Variants in BTBD1 observed in about 807,000 individuals in gnomAD.
BTBD1 encodes BTB/POZ domain-containing protein 1.
BTBD1 carries 34 observed loss-of-function variants against 48.0 expected under a neutral mutation model. The observed-to-expected ratio is 0.71, with a 90% CI of 0.54 to 0.94. BTBD1 has a LOEUF of 0.94. Ranked by LOEUF, BTBD1 falls within the 40% of genes least tolerant of loss-of-function variation. The probability of loss-of-function intolerance (pLI) is 0.00; values close to 1 mark genes in which losing one functional copy is unlikely to be tolerated. For missense variants in BTBD1, 543 were observed against 625.6 expected (o/e 0.87, Z 1.41); for synonymous variants, 261 against 242.1 (o/e 1.08, Z -0.72).
intron 2 of BTBD1, among the ~76,000 whole-genome samples, chr15:83,053,583 C>T (rs955470357): frequency 6.6e-6 from 1 of 152,046 alleles, no homozygotes; most frequent in Non-Finnish European, 1.5e-5. Context: ...TATATCTCAC[C>T]TTTAAAATAA....
rs1007289370 is a variant in BTBD1 at position 83,066,912 on chromosome 15, G to GGCC, written c.239_240insGGC (p.Ala84dup). 3.9e-6 allele frequency: 6 copies of GGCC among 1,526,288 alleles called. No homozygotes were observed. In the Admixed American group the frequency reaches 9.0e-5, roughly 23 times the overall value. 94.5% of individuals were successfully genotyped at this position (1,526,288 alleles called of 1,614,324 possible). Reference sequence around the variant, plus strand: ...GCTGCGGGCCCCCAGCGGCGGCGGCGCCGCGACCCTTGCCCAGTACGAAGC... The same window carrying GGCC: ...GCTGCGGGCCCCCAGCGGCGGCGGCGGCCCCGCGACCCTTGCCCAGTACGAAGC... On this transcript the variant is annotated inframe_insertion, in exon 1 of 8. Coordinates refer to ENST00000261721, the MANE Select transcript of BTBD1 (RefSeq NM_025238.4).
intron 3 of BTBD1, among the ~76,000 whole-genome samples, chr15:83,043,136 T>C (rs1199696445): frequency 6.6e-6 from 1 of 152,172 alleles, no homozygotes; most frequent in Non-Finnish European, 1.5e-5. Flanking sequence ...AGAGTGAGAC[T>C]GTGCCAAAAA....
At position 83,054,653 on chromosome 15, in the gene BTBD1, C is replaced by T. The variant is rs188361142; in HGVS notation, c.558+1736G>A. Among the ~76,000 whole-genome samples the T allele has an allele frequency of 2.7e-3, 405 of 151,712 alleles. 2 individuals carry two copies. Among genetic ancestry groups the T allele is most frequent in the African/African-American group, 9.4e-3 (388 of 41,326 alleles). On this transcript the variant is annotated intron_variant, in intron 2 of 7. Coordinates refer to ENST00000261721, the MANE Select transcript of BTBD1 (RefSeq NM_025238.4). ...CTATGCTCACTGCAAACTCTGCCTCCCGGGTTCAAGCGATTCTCCTGCCTC... is the reference window on the plus strand; with the variant it reads ...CTATGCTCACTGCAAACTCTGCCTCTCGGGTTCAAGCGATTCTCCTGCCTC...
At chr15:83,042,086 G>A (rs2032772313) in intron 3 of BTBD1, among the ~76,000 whole-genome samples, 161 bp from the exon 4 acceptor site, 1 of 151,718 alleles carries the variant, frequency 6.6e-6, no homozygotes, top group African/African-American at 2.4e-5. Flanking sequence ...AATAATTAAA[G>A]GACTTAAACT....
At chr15:83,025,234 A>T (rs531453944) in intron 5 of BTBD1, among the ~76,000 whole-genome samples, 2 of 151,864 alleles carry the variant, frequency 1.3e-5, no homozygotes, top group Admixed American at 6.6e-5. Flanking sequence ...GACGCCTGTA[A>T]TCCCAGCTAC....
intron 2 of BTBD1, among the ~76,000 whole-genome samples, chr15:83,055,959 G>A (rs2033074390): frequency 6.6e-6 from 1 of 151,820 alleles, no homozygotes; most frequent in Admixed American, 6.6e-5. Context: ...TTTTTTTTGT[G>A]ATGGAGTCTC....
chr15:83,056,383 A>G lies in BTBD1; in HGVS notation c.558+6T>C. On this transcript the variant is annotated splice_donor_region_variant and intron_variant, in intron 2 of 7. Coordinates refer to ENST00000261721, the MANE Select transcript of BTBD1 (RefSeq NM_025238.4). Reference sequence around the variant, plus strand: ...AATGATACATACCTTAGCTACATTTACTTACCTGAGTAAGTAACATAAAGG... The same window carrying G: ...AATGATACATACCTTAGCTACATTTGCTTACCTGAGTAAGTAACATAAAGG... 6.2e-7 allele frequency: 1 copy of G among 1,607,230 alleles called. No individual in the cohort carries two copies. Among genetic ancestry groups the G allele is most frequent in the South Asian group, 1.1e-5 (1 of 90,892 alleles).
chr15:83,048,309 A>G (rs1237425810), intron 3 of BTBD1, among the ~76,000 whole-genome samples: 5 of 152,200 alleles, frequency 3.3e-5, no homozygotes, highest in African/African-American at 9.6e-5. Context: ...GTTCTCCTTT[A>G]GCTGTTCTGT....
intron 4 of BTBD1, among the ~76,000 whole-genome samples, chr15:83,035,945 T>C (rs995357784): frequency 6.6e-6 from 1 of 151,650 alleles, no homozygotes; most frequent in Non-Finnish European, 1.5e-5. Flanking sequence ...TAAAAATACA[T>C]TAAAAATTCA....
At chr15:83,032,220 C>A (rs771411409) in intron 4 of BTBD1, among the ~76,000 whole-genome samples, 44 of 151,954 alleles carry the variant, frequency 2.9e-4, no homozygotes, top group Non-Finnish European at 5.6e-4. Context: ...ACTCGGGAGG[C>A]TGAGGCAGGA....
chr15:83,022,781 G>A (rs936748629), intron 5 of BTBD1, among the ~76,000 whole-genome samples: 5 of 152,088 alleles, frequency 3.3e-5, no homozygotes, highest in African/African-American at 9.7e-5. Flanking sequence ...GGCCAACATG[G>A]TGAAACCCTG....
chr15:83,043,898 A>G (rs2032818776), intron 3 of BTBD1, among the ~76,000 whole-genome samples: 1 of 152,238 alleles, frequency 6.6e-6, no homozygotes, highest in Non-Finnish European at 1.5e-5. Flanking sequence ...GTCCTCACTC[A>G]GAACCCTTTT....
intron 1 of BTBD1, among the ~76,000 whole-genome samples, chr15:83,063,911 T>C (rs2033217475): frequency 6.6e-6 from 1 of 152,216 alleles, no homozygotes; most frequent in Non-Finnish European, 1.5e-5. Context: ...ACATTGTATC[T>C]TTAGTTTCCC....
At position 83,041,894 on chromosome 15, in the gene BTBD1, T is replaced by G; in HGVS notation, c.696A>C (p.Thr232=). The G allele has an allele frequency of 1.9e-6, 3 of 1,614,110 alleles. No individual in the cohort carries two copies. The highest frequency in any genetic ancestry group is 2.5e-6 in the Non-Finnish European group (3 of 1,180,006). The change falls in exon 4 of 8, where the codon ACA becomes ACC. Residue 232 remains threonine, a synonymous_variant. Transcript: ENST00000261721. ...AAAGTCGACTTTCTCGAATACTGAGTGTGTCTCTCTCTAAAACTGCACAGA... is the reference window on the plus strand; with the variant it reads ...AAAGTCGACTTTCTCGAATACTGAGGGTGTCTCTCTCTAAAACTGCACAGA... ...DTLCAVLERD[T]LSIRESRLFG... is the part of the protein sequence containing the mutation.
chr15:83,018,915 T>C (rs2032228092), intron 6 of BTBD1, 62 bp from the exon 7 acceptor site: 1 of 1,379,076 alleles, frequency 7.3e-7, no homozygotes, highest in African/African-American at 1.5e-5. Context: ...CTATAGAAAA[T>C]AATATAAAGC....
Position 83,016,845 on chromosome 15 carries a change from TCTTA to T in BTBD1, c.*1218_*1221del, listed in dbSNP as rs1417534524. The T allele has an allele frequency of 5.9e-5, 9 of 152,320 alleles. No homozygotes were observed. Among genetic ancestry groups the T allele is most frequent in the African/African-American group, 2.2e-4 (9 of 41,578 alleles). 9.4% of individuals were successfully genotyped at this position (152,320 alleles called of 1,614,324 possible). A position where few individuals can be genotyped will look rare whatever the true frequency, so the allele number is the denominator to read the frequency against. On this transcript the variant is annotated 3_prime_UTR_variant, in exon 8 of 8. Transcript: ENST00000261721. ...TTACTTTAGATGAAAATTTTTTGTA[TCTTA>T]CTTAGAAAAAATTAAGTTGATATTT...
intron 4 of BTBD1, among the ~76,000 whole-genome samples, chr15:83,035,527 A>G (rs2032608770): frequency 6.6e-6 from 1 of 152,114 alleles, no homozygotes; most frequent in Admixed American, 6.5e-5. Flanking sequence ...AAAAATTCTT[A>G]ATCGAATGCT....
At chr15:83,041,588 G>C (rs919919090) in intron 4 of BTBD1, 140 bp downstream of exon 4, 1 of 705,542 alleles carries the variant, frequency 1.4e-6, no homozygotes, top group Admixed American at 2.6e-5. Flanking sequence ...GACAAGGCTG[G>C]TGTCGAACTC....
intron 1 of BTBD1, among the ~76,000 whole-genome samples, chr15:83,062,438 G>A (rs1488712072): frequency 2.0e-5 from 3 of 152,200 alleles, no homozygotes; most frequent in African/African-American, 4.8e-5. Context: ...CTGACCTACA[G>A]AATCATAAGC....
Sources: gnomAD v4.1 joint callset for allele counts (sites outside exome capture counted in the v4.1 genomes callset) on GRCh38, gnomAD v4.1.1 for gene constraint, MANE v1.5 for transcripts, NCBI Gene and HGNC (gene_info 2026-07-23, HGNC 2026-07-21) for gene names.